LRCOL1: variants seen among roughly 807,000 people sequenced by gnomAD.
LRCOL1 encodes leucine-rich colipase-like protein 1.
A neutral mutation model predicts 21.6 loss-of-function variants in LRCOL1; 21 were observed. That is an observed-to-expected ratio of 0.97 (90% CI 0.69 to 1.40). LRCOL1 has a LOEUF of 1.40. Ranked by LOEUF, LRCOL1 falls within the 40% of genes most tolerant of loss-of-function variation. LRCOL1 has a pLI of 0.00. For missense variants in LRCOL1, 198 were observed against 202.3 expected, an observed-to-expected ratio of 0.98 and a Z score of 0.13; for synonymous variants, 98 against 90.1, an observed-to-expected ratio of 1.09 and a Z score of -0.49.
intron 5 of LRCOL1, chr12:132,603,884 G>T: frequency 8.5e-7 from 1 of 1,182,406 alleles, no homozygotes; most frequent in Non-Finnish European, 1.0e-6. Flanking sequence ...AGGGAGGGGA[G>T]AAGCCAGGAC....
intron 5 of LRCOL1, 40 bp from the exon 6 acceptor site, chr12:132,603,444 G>A (rs1311861671): frequency 1.3e-6 from 2 of 1,535,972 alleles, no homozygotes; most frequent in African/African-American, 1.4e-5. Flanking sequence ...TGCAGGGGAC[G>A]GGCCTCGAAG....
intron 2 of LRCOL1, 172 bp downstream of exon 2, chr12:132,605,975 G>A: frequency 3.2e-6 from 2 of 630,892 alleles, no homozygotes; most frequent in Non-Finnish European, 2.7e-6. Flanking sequence ...GAGAGCGAGT[G>A]CAGCCTCAGG....
intron 5 of LRCOL1, 106 bp downstream of exon 5, chr12:132,604,148 C>T: frequency 1.4e-6 from 2 of 1,453,758 alleles, no homozygotes; most frequent in Non-Finnish European, 1.8e-6. Context: ...GTGCTCAGAG[C>T]CCACCTCTCA....
chr12:132,605,887 C>T, intron 2 of LRCOL1: 1 of 516,956 alleles, frequency 1.9e-6, no homozygotes. Flanking sequence ...GTGGTGGCCC[C>T]AGGGCTGCTC....
At chr12:132,608,783 G>C (rs2041343382) in intron 1 of LRCOL1, among the ~76,000 whole-genome samples, 2 of 152,160 alleles carry the variant, frequency 1.3e-5, no homozygotes, top group Non-Finnish European at 2.9e-5. Context: ...ATCACAACTA[G>C]AACTTTTCTA....
chr12:132,605,402 G>A (rs1179429455), intron 2 of LRCOL1, among the ~76,000 whole-genome samples: 2 of 152,240 alleles, frequency 1.3e-5, no homozygotes, highest in African/African-American at 4.8e-5. Flanking sequence ...CCCATTGCAT[G>A]TTAACATAAA....
At chr12:132,607,496 C>T (rs2041323267) in intron 1 of LRCOL1, among the ~76,000 whole-genome samples, 1 of 152,254 alleles carries the variant, frequency 6.6e-6, no homozygotes, top group Non-Finnish European at 1.5e-5. Flanking sequence ...CACCCTTGGC[C>T]TCCCCCTCGG....
At chr12:132,604,084 C>T (rs2041265737) in intron 5 of LRCOL1, 170 bp downstream of exon 5, 1 of 1,426,258 alleles carries the variant, frequency 7.0e-7, no homozygotes, top group African/African-American at 1.4e-5. Flanking sequence ...TCTGCGGCCC[C>T]CACCTTATGA....
Position 132,603,167 on chromosome 12 carries a change from C to A in LRCOL1, c.*235G>T. On this transcript the variant is annotated 3_prime_UTR_variant, in exon 6 of 6. Coordinates refer to ENST00000376608, the MANE Select transcript of LRCOL1 (RefSeq NM_001195520.2). ...CACGGCTGCTCAGTCGGCCAGGAGC[C>A]TTTATTGATGTTTAACAATCAGGCT... 1.9e-6 allele frequency: 1 copy of A among 513,082 alleles called. No individual in the cohort carries two copies. Among genetic ancestry groups the A allele is most frequent in the Non-Finnish European group, 3.4e-6 (1 of 297,668 alleles). 31.8% of individuals were successfully genotyped at this position (513,082 alleles called of 1,614,324 possible).
intron 1 of LRCOL1, among the ~76,000 whole-genome samples, chr12:132,610,040 G>A (rs999057941): frequency 4.6e-5 from 7 of 152,228 alleles, no homozygotes; most frequent in African/African-American, 1.7e-4. Flanking sequence ...TGTTTTGAGC[G>A]TAAGACCCTG....
chr12:132,605,622 G>A (rs548652499), intron 2 of LRCOL1, among the ~76,000 whole-genome samples: 28 of 152,134 alleles, frequency 1.8e-4, no homozygotes, highest in African/African-American at 3.9e-4. Context: ...CCAGCTACTC[G>A]GGAGGCAGAG....
chr12:132,603,381 G>C lies in LRCOL1; in HGVS notation c.*21C>G, dbSNP rs745828125. The stretch of plus-strand genomic sequence containing the variant: ...ATCCCAGGGCCCAGGCCGGTCCCTC[G>C]CGCCCAGGTTCGAGCTCACATCACT... On this transcript the variant is annotated 3_prime_UTR_variant, in exon 6 of 6. Coordinates refer to ENST00000376608, the MANE Select transcript of LRCOL1 (RefSeq NM_001195520.2). The C allele has an allele frequency of 1.3e-6, 2 of 1,536,194 alleles. No individual in the cohort carries two copies. The highest frequency in any genetic ancestry group is 1.7e-4 in the Middle Eastern group (1 of 5,990).
rs1448927098 is a variant in LRCOL1 at position 132,604,317 on chromosome 12, C to T, written c.414G>A (p.Leu138=). 1 of 1,535,854 alleles carries T rather than the reference C, an allele frequency of 6.5e-7. No individual in the cohort carries two copies. Among genetic ancestry groups the T allele is most frequent in the East Asian group, 2.4e-5 (1 of 40,906 alleles). ...QECHSQCCIQ[L]REYSPFRCIP... Reference sequence around the variant, plus strand: ...TGCAGCGGAAGGGGCTGTACTCCCTCAGCTGGATGCAGCACTGGCTGTGAC... The same window carrying T: ...TGCAGCGGAAGGGGCTGTACTCCCTTAGCTGGATGCAGCACTGGCTGTGAC... The change falls in exon 5 of 6, where the codon CTG becomes CTA. Residue 138 remains leucine, a synonymous_variant. Transcript: ENST00000376608.
Position 132,603,177 on chromosome 12 carries a change from G to A in LRCOL1, c.*225C>T, listed in dbSNP as rs1445922887. 3 of 543,144 alleles carry A rather than the reference G, an allele frequency of 5.5e-6. No individual in the cohort carries two copies. The highest frequency in any genetic ancestry group is 9.4e-6 in the Non-Finnish European group (3 of 319,920). The allele number at this position is 543,144 out of a possible 1,614,324, so 33.6% of individuals were successfully genotyped here. A position where few individuals can be genotyped will look rare whatever the true frequency, so the allele number is the denominator to read the frequency against. ...CAGTCGGCCAGGAGCCTTTATTGAT[G>A]TTTAACAATCAGGCTACACCCCAGT... On this transcript the variant is annotated 3_prime_UTR_variant, in exon 6 of 6. Transcript: ENST00000376608.
In LRCOL1 at chr12:132,606,550, C is replaced by G. The variant is rs944325789; in HGVS notation, c.-13-286G>C. Among the ~76,000 whole-genome samples, 1 of 152,206 alleles carries G rather than the reference C, an allele frequency of 6.6e-6. No homozygotes were observed. The highest frequency in any genetic ancestry group is 2.4e-5 in the African/African-American group (1 of 41,446). On this transcript the variant is annotated intron_variant, in intron 1 of 5. Transcript: ENST00000376608. This position sits in a 1 kb window ranked among gnomAD's most constrained non-coding sequence, Gnocchi z 4.6. ...CATCTGTCCACCATTGATAGACCCA[C>G]AGGGACGTGCCATCATCACCCGGAG... is the stretch of plus-strand genomic sequence containing the variant.
At chr12:132,603,900 T>G (rs1418578983) in intron 5 of LRCOL1, 2 of 1,192,624 alleles carry the variant, frequency 1.7e-6, no homozygotes, top group African/African-American at 1.6e-5. Context: ...AGGACCCTCC[T>G]CCTCCAGGGC....
chr12:132,610,103 A>AGGGCC (rs1566281345), intron 1 of LRCOL1, among the ~76,000 whole-genome samples: 1 of 152,228 alleles, frequency 6.6e-6, no homozygotes, highest in African/African-American at 2.4e-5. Context: ...GCGGCCCAGC[A>AGGGCC]GGGCAGGGCC....
Position 132,606,681 on chromosome 12 carries a change from G to A in LRCOL1, c.-13-417C>T, listed in dbSNP as rs1413739241. Among the ~76,000 whole-genome samples the A allele has an allele frequency of 1.3e-5, 2 of 151,906 alleles. No individual in the cohort carries two copies. The highest frequency in any genetic ancestry group is 2.4e-5 in the African/African-American group (1 of 41,366). ...CCGATCCGATGCCCTAAACATCCCC[G>A]TGCCCCGTCTATTCGCTCCTCCCTC... is the stretch of plus-strand genomic sequence containing the variant. On this transcript the variant is annotated intron_variant, in intron 1 of 5. Transcript: ENST00000376608. This position sits in a 1 kb window ranked among gnomAD's most constrained non-coding sequence, Gnocchi z 4.6.
chr12:132,606,046 A>G lies in LRCOL1; in HGVS notation c.105+101T>C. 1 of 1,086,420 alleles carries G rather than the reference A, an allele frequency of 9.2e-7. No individual in the cohort carries two copies. The highest frequency in any genetic ancestry group is 2.4e-5 in the Admixed American group (1 of 42,536). 67.3% of individuals were successfully genotyped at this position (1,086,420 alleles called of 1,614,324 possible). A position where few individuals can be genotyped will look rare whatever the true frequency, so the allele number is the denominator to read the frequency against. ...TGAGACCCTCCTGACGGAAAGTGGC[A>G]GCCCTCGCGGGTGGGGACTGCAAGG... On this transcript the variant is annotated intron_variant, in intron 2 of 5. Coordinates refer to ENST00000376608, the MANE Select transcript of LRCOL1 (RefSeq NM_001195520.2). This position sits in a 1 kb window ranked among gnomAD's most constrained non-coding sequence, Gnocchi z 4.6.
Sources: allele counts gnomAD v4.1 joint callset (sites outside exome capture counted in the v4.1 genomes callset), GRCh38; gene constraint gnomAD v4.1.1; non-coding constraint Gnocchi (gnomAD v3.1); transcripts MANE v1.5; gene names NCBI Gene and HGNC (gene_info 2026-07-23, HGNC 2026-07-21).